ADAM22: variants seen among roughly 807,000 people sequenced by gnomAD.
ADAM22 encodes the protein ADAM metallopeptidase domain 22, also known as disintegrin and metalloproteinase domain-containing protein 22.
ADAM22 carries 65 observed loss-of-function variants against 144.6 expected under a neutral mutation model. The ratio of observed to expected loss-of-function variants is 0.45; its 90% CI spans 0.37 to 0.55. The LOEUF is 0.55. Ranked by LOEUF, ADAM22 falls within the 20% of genes least tolerant of loss-of-function variation. ADAM22 has a pLI of 0.00. For synonymous variants in ADAM22, 391 were observed against 412.6 expected (o/e 0.95, Z 0.63); for missense variants, 974 against 1,184.9 (o/e 0.82, Z 2.61).
intron 31 of ADAM22, 34 bp downstream of exon 31, chr7:88,193,273 T>C: frequency 6.2e-7 from 1 of 1,602,712 alleles, no homozygotes; most frequent in Non-Finnish European, 8.5e-7. Flanking sequence ...GCGTACATGC[T>C]CAGTCATTAT....
At chr7:88,114,394 A>G (rs1307618338) in intron 5 of ADAM22, among the ~76,000 whole-genome samples, 190 bp from the exon 6 acceptor site, 2 of 152,018 alleles carry the variant, frequency 1.3e-5, no homozygotes, top group Non-Finnish European at 2.9e-5. Context: ...AGGTGACTCT[A>G]CCTATAAGGA....
chr7:88,052,213 C>T (rs1266197424), intron 3 of ADAM22, among the ~76,000 whole-genome samples: 1 of 151,758 alleles, frequency 6.6e-6, no homozygotes, highest in Non-Finnish European at 1.5e-5. Flanking sequence ...AAAAAAAATT[C>T]CCGGCCGGAC....
chr7:88,126,447 A>G (rs1830415439), intron 8 of ADAM22, among the ~76,000 whole-genome samples: 1 of 152,012 alleles, frequency 6.6e-6, no homozygotes, highest in Non-Finnish European at 1.5e-5. Flanking sequence ...ATTACCTTGA[A>G]ATAAAATATA....
chr7:88,128,739 T>C lies in ADAM22; in HGVS notation c.753+63T>C, dbSNP rs1240765022. The C allele has an allele frequency of 3.8e-6, 5 of 1,332,558 alleles. No homozygotes were observed. In the East Asian group the frequency reaches 1.2e-4, roughly 32 times the overall value. 82.5% of individuals were successfully genotyped at this position (1,332,558 alleles called of 1,614,324 possible). On this transcript the variant is annotated intron_variant, in intron 9 of 31. Coordinates refer to ENST00000413139, the MANE Select transcript of ADAM22 (RefSeq NM_001324418.2). ...AGGGTAAAACTGGTGAGTGCAAAAA[T>C]ATGTTTAGAAAAAACAAGAAGCCCA...
At chr7:88,135,915 CAG>C in intron 13 of ADAM22, 63 bp from the exon 14 acceptor site, 1 of 1,381,268 alleles carries the variant, frequency 7.2e-7, no homozygotes, top group Non-Finnish European at 9.8e-7. Context: ...TATTTTAAAA[CAG>C]AAACTACTTT....
At chr7:87,999,661 C>T (rs1028303877) in intron 3 of ADAM22, among the ~76,000 whole-genome samples, 15 of 152,054 alleles carry the variant, frequency 9.9e-5, no homozygotes, top group Non-Finnish European at 1.9e-4. Context: ...GGGAAACTTA[C>T]GATGCTTATT....
chr7:88,101,214 G>A (rs34097203), intron 4 of ADAM22, among the ~76,000 whole-genome samples: 10,254 of 110,034 alleles, frequency 0.093, 440 homozygotes, highest in Admixed American at 0.18. Flanking sequence ...ACAATATGCT[G>A]CCAGGTTGGC....
intron 4 of ADAM22, among the ~76,000 whole-genome samples, chr7:88,099,357 T>G (rs562529146): frequency 6.6e-6 from 1 of 152,302 alleles, no homozygotes; most frequent in Non-Finnish European, 1.5e-5. Context: ...TACCCTGGTA[T>G]CTTGAGCCTT....
intron 3 of ADAM22, among the ~76,000 whole-genome samples, chr7:88,053,310 AAAAAAATTTAGCTGGGCATCATAG>A (rs1192921940): frequency 4.6e-5 from 7 of 152,056 alleles, no homozygotes; most frequent in Admixed American, 1.3e-4. Flanking sequence ...CGCTAAAAAA[AAAAAAATTTAGCTGGGCATCATAG>A]TATGCATGCC....
At chr7:88,078,184 G>C (rs1815248466) in intron 4 of ADAM22, among the ~76,000 whole-genome samples, 1 of 152,178 alleles carries the variant, frequency 6.6e-6, no homozygotes, top group Non-Finnish European at 1.5e-5. Context: ...AGCAGCATTT[G>C]CAATTCCCCA....
intron 3 of ADAM22, among the ~76,000 whole-genome samples, chr7:88,013,288 A>G (rs147148421): frequency 2.6e-5 from 4 of 152,350 alleles, no homozygotes; most frequent in African/African-American, 9.6e-5. Context: ...AGGTTCAAGA[A>G]AAGTCATTGA....
At chr7:88,149,437 T>G (rs1048560569) in intron 18 of ADAM22, among the ~76,000 whole-genome samples, 1 of 152,208 alleles carries the variant, frequency 6.6e-6, no homozygotes, top group Non-Finnish European at 1.5e-5. Context: ...GAGGACCCTT[T>G]TCTTTCTCTT....
Position 87,935,162 on chromosome 7 carries a change from G to A in ADAM22, c.222G>A (p.Val74=). 1.2e-6 allele frequency: 2 copies of A among 1,610,604 alleles called. No individual in the cohort carries two copies. The highest frequency in any genetic ancestry group is 1.7e-6 in the Non-Finnish European group (2 of 1,178,278). ...GGCACGACGCGCTCGACACGCGGGT[G>A]CGGGGCGACCTCGGTGGCCCGCAGG... ...ESRHDALDTR[V]RGDLGGPQLT... is the part of the protein sequence containing the mutation. Residue 74 remains valine (V), a synonymous_variant, in exon 2 of 32, where the codon GTG becomes GTA. Transcript: ENST00000413139.
chr7:87,937,704 A>G (rs979810918), intron 2 of ADAM22, among the ~76,000 whole-genome samples: 1 of 152,096 alleles, frequency 6.6e-6, no homozygotes, highest in African/African-American at 2.4e-5. Flanking sequence ...TAGAGCTTCT[A>G]CTCCCTATAG....
At position 88,137,508 on chromosome 7, in the gene ADAM22, T is replaced by C. The variant is rs186485444; in HGVS notation, c.1220+1477T>C. 8.7e-4 allele frequency among the ~76,000 whole-genome samples: 133 copies of C among 152,322 alleles called. 1 individual carries two copies. Among genetic ancestry groups the C allele is most frequent in the Admixed American group, 7.1e-3 (109 of 15,296 alleles). On this transcript the variant is annotated intron_variant, in intron 14 of 31. Transcript: ENST00000413139. ...CTTAAATACTTGCTCACCATAATTG[T>C]ACATTAATTACCAACTTCATTTGAT...
chr7:88,118,530 A>T (rs1355045272), intron 7 of ADAM22, among the ~76,000 whole-genome samples: 1 of 152,076 alleles, frequency 6.6e-6, no homozygotes, highest in Non-Finnish European at 1.5e-5. Context: ...ATAAAGCTAT[A>T]ATTTAATGGG....
chr7:88,067,027 A>G (rs1811427063), intron 3 of ADAM22, among the ~76,000 whole-genome samples: 1 of 152,148 alleles, frequency 6.6e-6, no homozygotes, highest in Non-Finnish European at 1.5e-5. Context: ...TTCAACATTA[A>G]GTGCCCAAAA....
At chr7:88,192,894 TG>T (rs1423921268) in intron 30 of ADAM22, among the ~76,000 whole-genome samples, 1 of 152,238 alleles carries the variant, frequency 6.6e-6, no homozygotes, top group Non-Finnish European at 1.5e-5. Flanking sequence ...TATCATTCTA[TG>T]TTCTAACATT....
chr7:87,994,405 C>T (rs1790624940), intron 3 of ADAM22, among the ~76,000 whole-genome samples: 1 of 152,176 alleles, frequency 6.6e-6, no homozygotes, highest in Non-Finnish European at 1.5e-5. Flanking sequence ...TCGTGATCCG[C>T]CCGCCTCGGC....
Sources: allele counts gnomAD v4.1 joint callset (sites outside exome capture counted in the v4.1 genomes callset), GRCh38; gene constraint gnomAD v4.1.1; transcripts MANE v1.5; gene names NCBI Gene and HGNC (gene_info 2026-07-23, HGNC 2026-07-21).